TANC1: variants seen among roughly 807,000 people sequenced by gnomAD.
TANC1 encodes protein TANC1.
TANC1 carries 77 observed loss-of-function variants against 149.7 expected under a neutral mutation model. The ratio of observed to expected loss-of-function variants is 0.51; its 90% CI spans 0.43 to 0.62. The LOEUF is 0.62. TANC1 is among the 20% of genes least tolerant of loss of function. The pLI is 0.00. For synonymous variants in TANC1, 854 were observed against 925.0 expected (o/e 0.92, Z 1.39); for missense variants, 1,985 against 2,321.8 (o/e 0.85, Z 2.98).
intron 3 of TANC1, among the ~76,000 whole-genome samples, chr2:159,080,986 C>G (rs1014538839): frequency 6.6e-6 from 1 of 152,206 alleles, no homozygotes; most frequent in South Asian, 2.1e-4. Context: ...CTCACTCCAC[C>G]TCGGGCTCCC....
At chr2:159,063,327 C>G (rs2042402282) in intron 2 of TANC1, among the ~76,000 whole-genome samples, 1 of 152,160 alleles carries the variant, frequency 6.6e-6, no homozygotes, top group Non-Finnish European at 1.5e-5. Context: ...TCATTATTGG[C>G]CCCTAGGGTC....
intron 12 of TANC1, 31 bp from the exon 13 acceptor site, chr2:159,176,321 C>A: frequency 7.5e-7 from 1 of 1,324,616 alleles, no homozygotes; most frequent in Non-Finnish European, 1.0e-6. Context: ...TGTATAATTT[C>A]TTAATTTGAA....
chr2:159,159,527 G>C (rs2053792273), intron 7 of TANC1, among the ~76,000 whole-genome samples: 1 of 151,996 alleles, frequency 6.6e-6, no homozygotes, highest in Non-Finnish European at 1.5e-5. Context: ...TGATGACTGA[G>C]TGGATGACTT....
intron 5 of TANC1, among the ~76,000 whole-genome samples, chr2:159,144,698 A>G (rs1352611060): frequency 6.6e-6 from 1 of 152,188 alleles, no homozygotes; most frequent in Non-Finnish European, 1.5e-5. Flanking sequence ...CATCCGGCCA[A>G]TGTTCCTTTT....
At chr2:159,198,326 T>G (rs143355344) in intron 18 of TANC1, among the ~76,000 whole-genome samples, 11 of 152,326 alleles carry the variant, frequency 7.2e-5, no homozygotes, top group African/African-American at 2.4e-4. Flanking sequence ...TGGGGGCCAT[T>G]ATTCAGCCTA....
chr2:159,038,817 T>G (rs1045033806), intron 2 of TANC1, among the ~76,000 whole-genome samples: 4 of 152,230 alleles, frequency 2.6e-5, no homozygotes, highest in African/African-American at 9.6e-5. Context: ...ATTCTCTTTT[T>G]GTTGTGTCTC....
intron 2 of TANC1, among the ~76,000 whole-genome samples, chr2:159,061,379 A>G (rs2042223558): frequency 6.6e-6 from 1 of 152,324 alleles, no homozygotes; most frequent in East Asian, 1.9e-4. Context: ...ATGGTCATCA[A>G]GGAATTCTCT....
chr2:158,978,996 CAATGAGTTTTTAAGTGT>C (rs1053265051), intron 1 of TANC1, among the ~76,000 whole-genome samples: 17 of 152,266 alleles, frequency 1.1e-4, no homozygotes, highest in South Asian at 1.0e-3. Flanking sequence ...AGGGCATTTC[CAATGAGTTTTTAAGTGT>C]AATGAGTTTT....
chr2:159,208,890 A>G (rs2058804402), intron 19 of TANC1, among the ~76,000 whole-genome samples: 1 of 152,272 alleles, frequency 6.6e-6, no homozygotes, highest in South Asian at 2.1e-4. Context: ...TATTGCTCCC[A>G]GGCTCCAAGC....
intron 3 of TANC1, among the ~76,000 whole-genome samples, chr2:159,071,070 A>G (rs1386825198): frequency 6.6e-6 from 1 of 152,166 alleles, no homozygotes; most frequent in Non-Finnish European, 1.5e-5. Context: ...CTTGCTCTCT[A>G]GAGAAGGCTG....
chr2:159,063,934 C>A (rs904364709), intron 2 of TANC1, among the ~76,000 whole-genome samples: 1 of 151,888 alleles, frequency 6.6e-6, no homozygotes, highest in Non-Finnish European at 1.5e-5. Flanking sequence ...TGTGGTGGGG[C>A]CTGAGCTTGG....
chr2:159,129,587 C>T (rs1410420010), intron 4 of TANC1, among the ~76,000 whole-genome samples: 2 of 151,544 alleles, frequency 1.3e-5, no homozygotes, highest in Non-Finnish European at 2.9e-5. Context: ...TTTTCTTTTG[C>T]AAGCTGCATA....
At chr2:159,117,184 G>A (rs577248627) in intron 4 of TANC1, among the ~76,000 whole-genome samples, 1 of 152,268 alleles carries the variant, frequency 6.6e-6, no homozygotes, top group South Asian at 2.1e-4. Context: ...TCCTGTATGT[G>A]ACGAGACCTC....
rs756827410 is a variant in TANC1 at position 159,179,158 on chromosome 2, G to T, written c.2505G>T (p.Glu835Asp). Residue 835 changes from glutamate to aspartate, a missense_variant, in exon 14 of 27, where the codon GAG becomes GAT. Physicochemically the swap from Glu to Asp is conservative, Grantham distance 45. Around this residue, in one of 3 missense-constraint regions of TANC1, gnomAD observed 508 missense variants for 714.2 expected, o/e 0.71. Transcript: ENST00000263635. ...ADGENTAFLC[E>D]PRNGHALLAF... ...GGGAAAACACGGCCTTCCTGTGTGA[G>T]CCCAGGTACGGCAGGCGCTTTCTTT... 1.2e-5 allele frequency: 19 copies of T among 1,608,096 alleles called. No individual in the cohort carries two copies. The highest frequency in any genetic ancestry group is 1.5e-5 in the Non-Finnish European group (18 of 1,176,442).
At chr2:159,032,613 G>A (rs752887542) in intron 2 of TANC1, among the ~76,000 whole-genome samples, 6 of 152,058 alleles carry the variant, frequency 3.9e-5, no homozygotes, top group African/African-American at 9.7e-5. Context: ...CCTGTCAGTC[G>A]CAGCTTCTCA....
intron 16 of TANC1, among the ~76,000 whole-genome samples, chr2:159,192,060 G>C (rs769784531): frequency 7.2e-5 from 11 of 152,120 alleles, no homozygotes; most frequent in Non-Finnish European, 1.0e-4. Flanking sequence ...ATTTGCGTAT[G>C]TTCAGTAATT....
chr2:159,111,866 T>C (rs541201211), intron 4 of TANC1, among the ~76,000 whole-genome samples: 3 of 152,384 alleles, frequency 2.0e-5, no homozygotes, highest in Admixed American at 1.3e-4. Context: ...GGACTTTGGA[T>C]GTAACACTTG....
At chr2:159,057,440 G>A (rs548223612) in intron 2 of TANC1, among the ~76,000 whole-genome samples, 27 of 152,242 alleles carry the variant, frequency 1.8e-4, no homozygotes, top group African/African-American at 5.8e-4. Flanking sequence ...GATGTATGTC[G>A]AATGAAAACC....
In TANC1 at chr2:159,030,982, A is replaced by G. The variant is rs2039732361; in HGVS notation, c.-16+29793A>G. 1.3e-5 allele frequency among the ~76,000 whole-genome samples: 2 copies of G among 152,150 alleles called. 1 individual carries two copies. Among genetic ancestry groups the G allele is most frequent in the Non-Finnish European group, 2.9e-5 (2 of 68,020 alleles). ...GCCTGACACAGGCACCCATGTCCCC[A>G]GACCTTCTCTGGCCATATGGAGTCA... On this transcript the variant is annotated intron_variant, in intron 2 of 26. Transcript: ENST00000263635.
Sources: gnomAD v4.1 joint callset for allele counts (sites outside exome capture counted in the v4.1 genomes callset) on GRCh38, gnomAD v4.1.1 for gene constraint, gnomAD v4.1.1 regional missense constraint, MANE v1.5 for transcripts, NCBI Gene and HGNC (gene_info 2026-07-23, HGNC 2026-07-21) for gene names.